WDR27: variants seen among roughly 807,000 people sequenced by gnomAD.
WDR27 encodes the protein WD repeat-containing protein 27.
WDR27 carries 100 observed loss-of-function variants against 114.4 expected under a neutral mutation model. The observed-to-expected ratio is 0.87, with a 90% CI of 0.74 to 1.03. The LOEUF is 1.03. WDR27 is among the 50% of genes least tolerant of loss of function. WDR27 has a pLI of 0.00. For missense variants in WDR27, 1,129 were observed against 1,092.9 expected (o/e 1.03, Z -0.47); for synonymous variants, 449 against 423.1 (o/e 1.06, Z -0.75).
chr6:169,486,856 A>G (rs1788989273), intron 25 of WDR27, among the ~76,000 whole-genome samples: 1 of 152,210 alleles, frequency 6.6e-6, no homozygotes, highest in African/African-American at 2.4e-5. Context: ...CAGTTTCTTT[A>G]TTCATTGACA....
chr6:169,461,890 AAGTG>A (rs1361831637), intron 25 of WDR27, among the ~76,000 whole-genome samples: 1 of 152,072 alleles, frequency 6.6e-6, no homozygotes, highest in Non-Finnish European at 1.5e-5. Context: ...AAAAATAAAT[AAGTG>A]AGTCTTATTT....
rs1789833142 is a variant in WDR27 at position 169,491,980 on chromosome 6, A to G, written c.2646-34346T>C. On this transcript the variant is annotated intron_variant, in intron 25 of 25. Coordinates refer to ENST00000448612, the MANE Select transcript of WDR27 (RefSeq NM_182552.5). The stretch of plus-strand genomic sequence containing the variant: ...AATAAATCTATAAATTAAAATTGTA[A>G]AACACATATTGATATTGAATGCTAA... Among the ~76,000 whole-genome samples the G allele has an allele frequency of 2.0e-5, 3 of 152,252 alleles. No homozygotes were observed. In the South Asian group the frequency reaches 6.2e-4, roughly 32 times the overall value.
At chr6:169,479,721 T>C (rs1367618729) in intron 25 of WDR27, among the ~76,000 whole-genome samples, 1 of 152,244 alleles carries the variant, frequency 6.6e-6, no homozygotes, top group African/African-American at 2.4e-5. Context: ...TTCTTTTAAC[T>C]TTTATTTTAA....
chr6:169,677,345 T>G (rs1036285512), intron 2 of WDR27, among the ~76,000 whole-genome samples: 11 of 152,252 alleles, frequency 7.2e-5, no homozygotes, highest in African/African-American at 2.2e-4. Flanking sequence ...GCCCTAGGGC[T>G]CTGTGGAAGC....
the WDR27 span, among the ~76,000 whole-genome samples, chr6:169,428,600 C>T: frequency 4.5e-4 from 2 of 4,404 alleles, no homozygotes; most frequent in Non-Finnish European, 1.3e-3. Flanking sequence ...GGGACGGTGG[C>T]GGGGGGGAGG....
rs1328431892 is a variant in WDR27 at position 169,672,362 on chromosome 6, G to C, written c.224C>G (p.Thr75Ser). ...LILRGHHQPI[T>S]AMAFGNKVNP... ...CACTTTATTTCCAAAAGCCATAGCAGTAATTGGCTGATGGTGTCCTCGTAG... is the reference window on the plus strand; with the variant it reads ...CACTTTATTTCCAAAAGCCATAGCACTAATTGGCTGATGGTGTCCTCGTAG... Residue 75 changes from threonine to serine, a missense_variant, in exon 3 of 26, where the codon ACT becomes AGT. Thr to Ser is a moderately conservative substitution (Grantham distance 58, BLOSUM62 1). Coordinates refer to ENST00000448612, the MANE Select transcript of WDR27 (RefSeq NM_182552.5). 7 of 1,610,584 alleles carry C rather than the reference G, an allele frequency of 4.3e-6. No homozygotes were observed. Among genetic ancestry groups the C allele is most frequent in the Non-Finnish European group, 5.9e-6 (7 of 1,178,012 alleles).
chr6:169,671,713 C>CT (rs1778797201), intron 3 of WDR27: 4 of 152,494 alleles, frequency 2.6e-5, no homozygotes, highest in Admixed American at 2.6e-4. Context: ...TTCTCAAAGG[C>CT]TCCCATGCAT....
At position 169,468,404 on chromosome 6, in the gene WDR27, C is replaced by T. The variant is rs1785889065; in HGVS notation, c.2646-10770G>A. On this transcript the variant is annotated intron_variant, in intron 25 of 25. Coordinates refer to ENST00000448612, the MANE Select transcript of WDR27 (RefSeq NM_182552.5). ...CCTCAGGAAACTTTCTGTCATGGCACAAGGGAAAGCAAACATGTCCTTCTT... is the reference window on the plus strand; with the variant it reads ...CCTCAGGAAACTTTCTGTCATGGCATAAGGGAAAGCAAACATGTCCTTCTT... 2.0e-5 allele frequency among the ~76,000 whole-genome samples: 3 copies of T among 152,156 alleles called. No homozygotes were observed. In the South Asian group the frequency reaches 6.2e-4, roughly 32 times the overall value.
At chr6:169,587,418 C>T (rs1221201516) in intron 23 of WDR27, among the ~76,000 whole-genome samples, 2 of 152,000 alleles carry the variant, frequency 1.3e-5, no homozygotes, top group Non-Finnish European at 2.9e-5. Context: ...GGGGTTTCAC[C>T]ATGTTAGCCA....
rs563468759 is a variant in WDR27, at chr6:169,659,238, G to A, written c.1198-31C>T. 43 of 1,569,324 alleles carry A rather than the reference G, an allele frequency of 2.7e-5. No individual in the cohort carries two copies. Among genetic ancestry groups the A allele is most frequent in the Non-Finnish European group, 3.3e-5 (38 of 1,157,062 alleles). On this transcript the variant is annotated intron_variant, in intron 11 of 25. Coordinates refer to ENST00000448612, the MANE Select transcript of WDR27 (RefSeq NM_182552.5). The surrounding 1 kb of genome is among the most constrained non-coding windows in gnomAD (Gnocchi z 4.3). Reference sequence around the variant, plus strand: ...GGGACGCGGTTTCAACATCGTTAGCGACACCACCCAGTAAAAGCAGACGAA... The same window carrying A: ...GGGACGCGGTTTCAACATCGTTAGCAACACCACCCAGTAAAAGCAGACGAA...
At chr6:169,432,462 T>C in the WDR27 span, among the ~76,000 whole-genome samples, 1 of 152,188 alleles carries the variant, frequency 6.6e-6, no homozygotes, top group African/African-American at 2.4e-5. Flanking sequence ...AGGTGGGACC[T>C]AGTGGGAGGT....
chr6:169,549,553 T>G (rs561177376), intron 25 of WDR27, among the ~76,000 whole-genome samples: 13 of 152,322 alleles, frequency 8.5e-5, no homozygotes, highest in South Asian at 8.3e-4. Flanking sequence ...AAATTGTTCA[T>G]CACACAAAAA....
chr6:169,530,676 C>T (rs997698070), intron 25 of WDR27, among the ~76,000 whole-genome samples: 2 of 152,192 alleles, frequency 1.3e-5, no homozygotes, highest in African/African-American at 4.8e-5. Context: ...AACGCAGCAC[C>T]GCCCAGCAGC....
chr6:169,649,306 A>C, intron 14 of WDR27, 31 bp from the exon 15 acceptor site: 1 of 1,512,928 alleles, frequency 6.6e-7, no homozygotes, highest in Non-Finnish European at 9.0e-7. Flanking sequence ...TATCACTCTC[A>C]AATATTAAGA....
chr6:169,636,250 G>A (rs903566266), intron 19 of WDR27, 121 bp downstream of exon 19: 2 of 1,155,040 alleles, frequency 1.7e-6, no homozygotes, highest in Admixed American at 5.6e-5. Context: ...CAAGAGTTTG[G>A]TGATATGAGG....
chr6:169,519,611 C>T (rs1196574586), intron 25 of WDR27, among the ~76,000 whole-genome samples: 1 of 152,106 alleles, frequency 6.6e-6, no homozygotes, highest in South Asian at 2.1e-4. Flanking sequence ...GAGAGATCTG[C>T]CCTCATGACC....
At chr6:169,529,320 G>GC (rs950091968) in intron 25 of WDR27, among the ~76,000 whole-genome samples, 1 of 142,252 alleles carries the variant, frequency 7.0e-6, no homozygotes, top group South Asian at 2.5e-4. Flanking sequence ...TGCGGGGGGG[G>GC]GGGGCAGCTA....
chr6:169,548,028 T>A (rs763129324), intron 25 of WDR27, among the ~76,000 whole-genome samples: 7 of 152,138 alleles, frequency 4.6e-5, no homozygotes, highest in Non-Finnish European at 1.0e-4. Flanking sequence ...TTAATCACTT[T>A]CCTATATACC....
At chr6:169,466,283 C>A (rs934906606) in intron 25 of WDR27, among the ~76,000 whole-genome samples, 1 of 152,128 alleles carries the variant, frequency 6.6e-6, no homozygotes, top group Non-Finnish European at 1.5e-5. Flanking sequence ...TCTGTTTTCA[C>A]ACTGCTATAA....
Sources: allele counts gnomAD v4.1 joint callset (sites outside exome capture counted in the v4.1 genomes callset), GRCh38; gene constraint gnomAD v4.1.1; non-coding constraint Gnocchi (gnomAD v3.1); transcripts MANE v1.5; gene names NCBI Gene and HGNC (gene_info 2026-07-23, HGNC 2026-07-21).